The following GNPTAB variants were observed in gnomAD, a reference collection of about 807,000 sequenced individuals.
GNPTAB encodes the protein N-acetylglucosamine-1-phosphotransferase subunits alpha/beta.
In GNPTAB, 92 loss-of-function variants were observed where a neutral mutation model predicts 136.6. That is an observed-to-expected ratio of 0.67 (90% CI 0.57 to 0.80). The LOEUF (loss-of-function observed/expected upper bound fraction) is 0.80, where lower values mean the gene tolerates loss of function less well. GNPTAB is among the 30% of genes least tolerant of loss of function. GNPTAB has a pLI of 0.00. For missense variants in GNPTAB, 1,343 were observed against 1,501.8 expected, an observed-to-expected ratio of 0.89 and a Z score of 1.75; for synonymous variants, 512 against 535.1, an observed-to-expected ratio of 0.96 and a Z score of 0.60.
intron 2 of GNPTAB, among the ~76,000 whole-genome samples, chr12:101,795,243 G>A (rs1009608967): frequency 1.3e-5 from 2 of 152,138 alleles, no homozygotes; most frequent in African/African-American, 4.8e-5. Flanking sequence ...ACTCTGGGCT[G>A]GGAAGTAACT....
At chr12:101,812,986 G>GTT (rs56900181) in intron 1 of GNPTAB, among the ~76,000 whole-genome samples, 31 of 117,558 alleles carry the variant, frequency 2.6e-4, no homozygotes, top group African/African-American at 9.1e-4. Flanking sequence ...TTTTGTGTGT[G>GTT]TTTTTTTTTT....
At chr12:101,785,246 A>G (rs985041828) in intron 5 of GNPTAB, among the ~76,000 whole-genome samples, 1 of 152,204 alleles carries the variant, frequency 6.6e-6, no homozygotes, top group Non-Finnish European at 1.5e-5. Flanking sequence ...TTTTGAGGCA[A>G]GGCCTCGTTC....
chr12:101,811,480 G>A (rs1205595559), intron 1 of GNPTAB, among the ~76,000 whole-genome samples: 2 of 151,192 alleles, frequency 1.3e-5, no homozygotes, highest in South Asian at 2.1e-4. Flanking sequence ...ATAAATAAAA[G>A]AGGTTTAACT....
chr12:101,748,850 T>C (rs2137097471), intron 20 of GNPTAB, among the ~76,000 whole-genome samples: 1 of 152,338 alleles, frequency 6.6e-6, no homozygotes, highest in South Asian at 2.1e-4. Context: ...TAGCCTGATA[T>C]CTACAAGTTA....
intron 19 of GNPTAB, among the ~76,000 whole-genome samples, chr12:101,750,125 C>T (rs577739211): frequency 6.6e-6 from 1 of 152,256 alleles, no homozygotes; most frequent in South Asian, 2.1e-4. Context: ...CAAGAGAATA[C>T]TGAGGATAAA....
chr12:101,769,887 T>TCTC, intron 10 of GNPTAB, 134 bp downstream of exon 10: 1 of 938,294 alleles, frequency 1.1e-6, no homozygotes, highest in South Asian at 1.3e-5. Context: ...CACCTCCGCC[T>TCTC]CCCAAAGTAC....
At chr12:101,824,836 GC>G (rs1871007348) in intron 1 of GNPTAB, among the ~76,000 whole-genome samples, 1 of 152,106 alleles carries the variant, frequency 6.6e-6, no homozygotes, top group African/African-American at 2.4e-5. Context: ...TCTGTCACTT[GC>G]AACCTAGTGC....
At chr12:101,801,894 AT>A (rs1035938558) in intron 1 of GNPTAB, among the ~76,000 whole-genome samples, 1 of 151,682 alleles carries the variant, frequency 6.6e-6, no homozygotes, top group Admixed American at 6.6e-5. Context: ...AAAAGAAAAA[AT>A]TTTTTTTAAT....
intron 1 of GNPTAB, among the ~76,000 whole-genome samples, chr12:101,801,446 G>A (rs755600993): frequency 6.9e-5 from 10 of 144,166 alleles, no homozygotes; most frequent in Non-Finnish European, 9.0e-5. Context: ...AGGCTGAAGC[G>A]GCAGAATCGC....
intron 7 of GNPTAB, chr12:101,773,567 A>G (rs546092140): frequency 6.7e-4 from 105 of 157,484 alleles, no homozygotes; most frequent in Non-Finnish European, 4.1e-4. Context: ...GTATATCACT[A>G]AAACTATTCT....
At chr12:101,825,398 G>A (rs1871038601) in intron 1 of GNPTAB, among the ~76,000 whole-genome samples, 1 of 152,120 alleles carries the variant, frequency 6.6e-6, no homozygotes, top group Non-Finnish European at 1.5e-5. Flanking sequence ...AGAAATAAAA[G>A]GGAACTATAA....
intron 1 of GNPTAB, among the ~76,000 whole-genome samples, chr12:101,802,906 A>T (rs141348843): frequency 2.4e-4 from 36 of 152,328 alleles, no homozygotes; most frequent in African/African-American, 8.2e-4. Flanking sequence ...ATCTCCAGTT[A>T]CGGCAGATGG....
rs759935 is a variant in GNPTAB, at chr12:101,761,122, A to T, written c.3135+5T>A. On this transcript the variant is annotated splice_donor_5th_base_variant and intron_variant, in intron 15 of 20. Transcript: ENST00000299314. ...CAAAAAGTTTAGAATAAGACAATAC[A>T]ACACCTGCAAACTTAACGGCAGTTC... The T allele has an allele frequency of 6.2e-7, 1 of 1,601,456 alleles. No homozygotes were observed. The highest frequency in any genetic ancestry group is 1.1e-5 in the South Asian group (1 of 90,802).
chr12:101,747,275 T>A (rs2137095900), intron 20 of GNPTAB, 34 bp from the exon 21 acceptor site: 1 of 1,233,392 alleles, frequency 8.1e-7, no homozygotes, highest in East Asian at 2.3e-5. Flanking sequence ...ACATTTTAAT[T>A]CTCACGTTGA....
chr12:101,753,851 T>C (rs992585673), intron 18 of GNPTAB, among the ~76,000 whole-genome samples: 2 of 152,186 alleles, frequency 1.3e-5, no homozygotes, highest in African/African-American at 4.8e-5. Context: ...TGTTGGCAGC[T>C]AGCAAAGACA....
At chr12:101,781,813 T>C (rs914315208) in intron 5 of GNPTAB, among the ~76,000 whole-genome samples, 1 of 152,218 alleles carries the variant, frequency 6.6e-6, no homozygotes, top group Admixed American at 6.5e-5. Context: ...CAGATAAACT[T>C]TTCTCTCTCT....
chr12:101,766,121 AG>A lies in GNPTAB; in HGVS notation c.1581del (p.Cys528ValfsTer19), dbSNP rs36007394. The A allele has an allele frequency of 1.2e-4, 186 of 1,614,050 alleles. No individual in the cohort carries two copies. Among genetic ancestry groups the A allele is most frequent in the Non-Finnish European group, 1.7e-6 (2 of 1,179,998 alleles). On this transcript the variant is annotated frameshift_variant, in exon 12 of 21. Coordinates refer to ENST00000299314, the MANE Select transcript of GNPTAB (RefSeq NM_024312.5). LOFTEE classifies it high-confidence loss of function. Reference sequence around the variant, plus strand: ...CCACAGTCGCCAGCATCAAACCCACAGGACAAGACATTGCATGCTTGGTCAC... The same window carrying A: ...CCACAGTCGCCAGCATCAAACCCACAGACAAGACATTGCATGCTTGGTCAC... ...KFCDQACNVL[S>X]CGFDAGDCGQ... is the part of the protein sequence containing the mutation.
chr12:101,781,021 G>A (rs1953334818), intron 5 of GNPTAB, among the ~76,000 whole-genome samples: 1 of 152,156 alleles, frequency 6.6e-6, no homozygotes, highest in Non-Finnish European at 1.5e-5. Context: ...TAACCAAAGG[G>A]GCCCTTGAAC....
chr12:101,764,052 T>C, intron 13 of GNPTAB, 150 bp downstream of exon 13: 4 of 997,746 alleles, frequency 4.0e-6, no homozygotes, highest in Non-Finnish European at 6.0e-6. Context: ...TTAGGGTTAT[T>C]GGGTAAATTA....
Sources: allele counts gnomAD v4.1 joint callset (sites outside exome capture counted in the v4.1 genomes callset), GRCh38; gene constraint gnomAD v4.1.1; transcripts MANE v1.5; gene names NCBI Gene and HGNC (gene_info 2026-07-23, HGNC 2026-07-21).